Variants in ASCC1 observed in about 807,000 individuals in gnomAD.
The protein encoded by ASCC1 is ASC-1 complex subunit P50.
Under a neutral mutation model 46.6 loss-of-function variants are expected in ASCC1, and 35 were observed. The ratio of observed to expected loss-of-function variants is 0.75; its 90% CI spans 0.57 to 0.99. The LOEUF (loss-of-function observed/expected upper bound fraction) is 0.99, where lower values mean the gene tolerates loss of function less well. Ranked by LOEUF, ASCC1 falls within the 50% of genes least tolerant of loss-of-function variation. The probability of loss-of-function intolerance (pLI) is 0.00; values close to 1 mark genes in which losing one functional copy is unlikely to be tolerated. For missense variants in ASCC1, 376 were observed against 428.7 expected, an observed-to-expected ratio of 0.88 and a Z score of 1.09; for synonymous variants, 143 against 146.6, an observed-to-expected ratio of 0.98 and a Z score of 0.18.
intron 3 of ASCC1, among the ~76,000 whole-genome samples, chr10:72,205,849 G>A (rs73275002): frequency 3.3e-5 from 5 of 151,736 alleles, no homozygotes; most frequent in East Asian, 2.0e-4. Context: ...GGTGTCTCAC[G>A]CCTGTAATCC....
At chr10:72,155,393 T>C (rs1848834165) in intron 6 of ASCC1, among the ~76,000 whole-genome samples, 1 of 151,884 alleles carries the variant, frequency 6.6e-6, no homozygotes, top group Non-Finnish European at 1.5e-5. Flanking sequence ...AGAACAGAGG[T>C]TGCTTCTGGG....
chr10:72,164,924 C>T (rs1318606452), intron 5 of ASCC1, among the ~76,000 whole-genome samples: 2 of 152,132 alleles, frequency 1.3e-5, no homozygotes, highest in Non-Finnish European at 2.9e-5. Context: ...TGTACATCTT[C>T]TCTGGAGAAA....
At chr10:72,185,363 A>T (rs1853296141) in intron 5 of ASCC1, among the ~76,000 whole-genome samples, 1 of 152,224 alleles carries the variant, frequency 6.6e-6, no homozygotes, top group Non-Finnish European at 1.5e-5. Context: ...CCATCCAAAC[A>T]TCTATCAGAG....
chr10:72,209,782 T>C (rs942529599), intron 3 of ASCC1, among the ~76,000 whole-genome samples: 12 of 152,022 alleles, frequency 7.9e-5, no homozygotes, highest in Admixed American at 3.3e-4. Flanking sequence ...AAACTCTGTC[T>C]CAAAATAAAT....
intron 9 of ASCC1, among the ~76,000 whole-genome samples, chr10:72,103,331 A>T (rs1199356448): frequency 6.6e-6 from 1 of 151,344 alleles, no homozygotes; most frequent in Non-Finnish European, 1.5e-5. Flanking sequence ...ATGGGGTTTC[A>T]CCGTGTTAGC....
At chr10:72,177,229 C>A (rs1038253602) in intron 5 of ASCC1, among the ~76,000 whole-genome samples, 1 of 152,106 alleles carries the variant, frequency 6.6e-6, no homozygotes, top group Non-Finnish European at 1.5e-5. Flanking sequence ...TTCTTACTTT[C>A]CTACCCAACT....
chr10:72,113,387 C>T (rs1843139878), intron 9 of ASCC1, among the ~76,000 whole-genome samples: 1 of 152,210 alleles, frequency 6.6e-6, no homozygotes. Flanking sequence ...AGGTATTTTA[C>T]AGACCAGGGA....
At chr10:72,182,532 TAAC>T (rs1852771200) in intron 5 of ASCC1, among the ~76,000 whole-genome samples, 1 of 151,868 alleles carries the variant, frequency 6.6e-6, no homozygotes, top group Non-Finnish European at 1.5e-5. Context: ...CAGGGTTGTT[TAAC>T]AACAACAAAA....
chr10:72,118,066 T>G (rs1448828714), intron 9 of ASCC1, among the ~76,000 whole-genome samples: 2 of 152,318 alleles, frequency 1.3e-5, no homozygotes, highest in African/African-American at 4.8e-5. Flanking sequence ...AAGAGCCAAG[T>G]GACTAAGCAA....
chr10:72,183,629 T>A lies in ASCC1; in HGVS notation c.489+13182A>T, dbSNP rs139980911. Among the ~76,000 whole-genome samples the A allele has an allele frequency of 8.0e-5, 12 of 150,936 alleles. No homozygotes were observed. The East Asian group carries it at 2.4e-3, about 30-fold the overall frequency. On this transcript the variant is annotated intron_variant, in intron 5 of 9. Coordinates refer to ENST00000672957, the MANE Select transcript of ASCC1 (RefSeq NM_001198800.3). ...GCACCACTGCACTTCAGCCTGAGTA[T>A]CTGAGTGAGACCATGTCTCAAAAAA...
chr10:72,200,589 A>T (rs1856355813), intron 4 of ASCC1, among the ~76,000 whole-genome samples: 1 of 151,708 alleles, frequency 6.6e-6, no homozygotes, highest in Non-Finnish European at 1.5e-5. Context: ...TGGAGGTTGC[A>T]TTGAGCCAAG....
chr10:72,190,140 G>T (rs953626303), intron 5 of ASCC1: 2 of 761,634 alleles, frequency 2.6e-6, no homozygotes, highest in African/African-American at 3.4e-5. Flanking sequence ...ATTCATGTTC[G>T]CTGTGGTGGC....
At chr10:72,213,400 C>G in intron 1 of ASCC1, 69 bp from the exon 2 acceptor site, 2 of 827,398 alleles carry the variant, frequency 2.4e-6, no homozygotes, top group Non-Finnish European at 2.0e-6. Context: ...GTGTCTGAAC[C>G]ATTATGCAGG....
At chr10:72,172,213 A>G (rs192282863) in intron 5 of ASCC1, among the ~76,000 whole-genome samples, 1 of 152,116 alleles carries the variant, frequency 6.6e-6, no homozygotes, top group Admixed American at 6.6e-5. Context: ...CAGGAGATCG[A>G]GACCAGCCTG....
chr10:72,108,306 G>A (rs976566193), intron 9 of ASCC1, among the ~76,000 whole-genome samples: 3 of 151,568 alleles, frequency 2.0e-5, no homozygotes, highest in African/African-American at 7.3e-5. Flanking sequence ...CAAACTCCTG[G>A]GCTCAAGTGA....
intron 7 of ASCC1, among the ~76,000 whole-genome samples, chr10:72,135,555 G>A (rs1437787187): frequency 6.6e-6 from 1 of 152,214 alleles, no homozygotes; most frequent in African/African-American, 2.4e-5. Flanking sequence ...AAGTGATGAA[G>A]TCGGAGAGGT....
chr10:72,109,206 C>T (rs1387661135), intron 9 of ASCC1, among the ~76,000 whole-genome samples: 2 of 152,292 alleles, frequency 1.3e-5, no homozygotes, highest in East Asian at 3.9e-4. Flanking sequence ...GTGGGAGGAG[C>T]AATTCTTATC....
intron 5 of ASCC1, among the ~76,000 whole-genome samples, chr10:72,193,254 A>G (rs1458101263): frequency 2.0e-5 from 3 of 152,160 alleles, no homozygotes; most frequent in Non-Finnish European, 2.9e-5. Flanking sequence ...CAATGGGTGA[A>G]TGGAGAAACA....
chr10:72,123,904 G>A lies in ASCC1; in HGVS notation c.957+4178C>T, dbSNP rs553139205. Among the ~76,000 whole-genome samples, 288 of 152,224 alleles carry A rather than the reference G, an allele frequency of 1.9e-3. 2 individuals carry two copies. The highest frequency in any genetic ancestry group is 6.1e-3 in the African/African-American group (255 of 41,524). On this transcript the variant is annotated intron_variant, in intron 9 of 9. Coordinates refer to ENST00000672957, the MANE Select transcript of ASCC1 (RefSeq NM_001198800.3). ...ACTATTTGTTAAACATTAAATGTAC[G>A]TCTCATGTACATATATAAATATACA...
Sources: allele counts gnomAD v4.1 joint callset (sites outside exome capture counted in the v4.1 genomes callset), GRCh38; gene constraint gnomAD v4.1.1; transcripts MANE v1.5; gene names NCBI Gene and HGNC (gene_info 2026-07-23, HGNC 2026-07-21).